DDX60: variants seen among roughly 807,000 people sequenced by gnomAD.
DDX60 encodes probable ATP-dependent RNA helicase DDX60.
In DDX60, 165 loss-of-function variants were observed where a neutral mutation model predicts 212.8. The ratio of observed to expected loss-of-function variants is 0.78; its 90% confidence interval spans 0.68 to 0.88. DDX60 has a LOEUF of 0.88. Ranked by LOEUF, DDX60 falls within the 40% of genes least tolerant of loss-of-function variation. DDX60 has a pLI of 0.00. For missense variants in DDX60, 1,905 were observed against 2,003.9 expected, an observed-to-expected ratio of 0.95 and a Z score of 0.94; for synonymous variants, 703 against 685.3, an observed-to-expected ratio of 1.03 and a Z score of -0.40.
chr4:168,293,786 C>A lies in DDX60; in HGVS notation c.882+1G>T. The A allele has an allele frequency of 6.2e-7, 1 of 1,600,816 alleles. No individual in the cohort carries two copies. Among genetic ancestry groups the A allele is most frequent in the East Asian group, 2.2e-5 (1 of 44,708 alleles). On this transcript the variant is annotated splice_donor_variant, in intron 7 of 37. Transcript: ENST00000393743. LOFTEE classifies it high-confidence loss of function. ...TCTCAGTAAAGTTATAAAAACCACA[C>A]CTGTTGGATCTCAGTTTCCTGACCA...
Position 168,309,951 on chromosome 4 carries a change from T to C in DDX60, c.74+1047A>G, listed in dbSNP as rs376401338. ...TTTTATCTTCAGGCCTGTCTTTATC[T>C]GTAAAGCTGCCAACTCCTGAGACTC... On this transcript the variant is annotated intron_variant, in intron 3 of 37. Coordinates refer to ENST00000393743, the MANE Select transcript of DDX60 (RefSeq NM_017631.6). 2.0e-5 allele frequency among the ~76,000 whole-genome samples: 3 copies of C among 152,272 alleles called. No homozygotes were observed. In the Middle Eastern group the frequency reaches 0.01, roughly 518 times the overall value.
In DDX60 at chr4:168,237,156, G is replaced by C. The variant is rs1733656483; in HGVS notation, c.4411+130C>G. On this transcript the variant is annotated intron_variant, in intron 32 of 37. Coordinates refer to ENST00000393743, the MANE Select transcript of DDX60 (RefSeq NM_017631.6). ...GTAGGTATTTACTTTATCAATTGAA[G>C]ATCTATAAATTATCTACATATTAAT... is the stretch of plus-strand genomic sequence containing the variant. 6 of 583,212 alleles carry C rather than the reference G, an allele frequency of 1.0e-5. No homozygotes were observed. In the South Asian group the frequency reaches 4.4e-4, roughly 42 times the overall value. The allele number at this position is 583,212 out of a possible 1,614,324, so 36.1% of individuals were successfully genotyped here. A position where few individuals can be genotyped will look rare whatever the true frequency, so the allele number is the denominator to read the frequency against.
chr4:168,236,164 T>C, intron 33 of DDX60, 88 bp downstream of exon 33: 1 of 1,306,414 alleles, frequency 7.7e-7, no homozygotes, highest in South Asian at 1.4e-5. Context: ...GCCCTTTGAA[T>C]TAAAATTCTA....
chr4:168,248,227 A>G lies in DDX60; in HGVS notation c.3924T>C (p.Ala1308=), dbSNP rs771129379. The change falls in exon 29 of 38, where the codon GCT becomes GCC. Residue 1308 remains alanine (A), a synonymous_variant. Transcript: ENST00000393743. The part of the protein sequence containing the change: ...VNMPCKSVVF[A]QNSVYLDALN... Reference sequence around the variant, plus strand: ...ACGCATCCAGATAGACTGAGTTTTGAGCAAAAACCACAGATTTACAAGGCA... The same window carrying G: ...ACGCATCCAGATAGACTGAGTTTTGGGCAAAAACCACAGATTTACAAGGCA... The G allele has an allele frequency of 3.7e-6, 6 of 1,611,332 alleles. No individual in the cohort carries two copies. The South Asian group carries it at 5.5e-5, about 15-fold the overall frequency.
intron 30 of DDX60, among the ~76,000 whole-genome samples, chr4:168,240,642 G>A (rs987949572): frequency 6.6e-6 from 1 of 151,952 alleles, no homozygotes; most frequent in African/African-American, 2.4e-5. Context: ...TCAGAAACAA[G>A]ACTATACATT....
intron 33 of DDX60, among the ~76,000 whole-genome samples, chr4:168,232,460 T>C (rs1325093001): frequency 2.0e-5 from 3 of 152,080 alleles, no homozygotes; most frequent in Non-Finnish European, 4.4e-5. Context: ...GACTTCAAAC[T>C]ATACTATACG....
At chr4:168,316,534 AT>A (rs1165226179) in intron 1 of DDX60, among the ~76,000 whole-genome samples, 1 of 152,226 alleles carries the variant, frequency 6.6e-6, no homozygotes, top group African/African-American at 2.4e-5. Context: ...ATGAAAAAAA[AT>A]AATGGTTTAT....
In DDX60 at chr4:168,306,610, T is replaced by G. The variant is rs775589621; in HGVS notation, c.375A>C (p.Arg125Ser). The G allele has an allele frequency of 1.2e-6, 2 of 1,614,006 alleles. No individual in the cohort carries two copies. The highest frequency in any genetic ancestry group is 1.7e-6 in the Non-Finnish European group (2 of 1,179,994). Reference sequence around the variant, plus strand: ...AACTTCCCCACTCTTTTGATAAGCATCTCGAAAATGTTGTTCGAACATCAA... The same window carrying G: ...AACTTCCCCACTCTTTTGATAAGCAGCTCGAAAATGTTGTTCGAACATCAA... ...TTIDVRTTFS[R>S]CLSKEWGSFL... Residue 125 changes from arginine to serine, a missense_variant, in exon 5 of 38, where the codon AGA becomes AGC. By Grantham distance (110) the Arg-to-Ser change is moderately radical (BLOSUM62 -1). Coordinates refer to ENST00000393743, the MANE Select transcript of DDX60 (RefSeq NM_017631.6).
Position 168,235,509 on chromosome 4 carries a change from T to G in DDX60, c.4533+743A>C, listed in dbSNP as rs535874021. On this transcript the variant is annotated intron_variant, in intron 33 of 37. Coordinates refer to ENST00000393743, the MANE Select transcript of DDX60 (RefSeq NM_017631.6). Reference sequence around the variant, plus strand: ...TGGTGAAAAGTGTAAAGATGATAGGTCAATGACTAAAATTGTGTTCACTGC... The same window carrying G: ...TGGTGAAAAGTGTAAAGATGATAGGGCAATGACTAAAATTGTGTTCACTGC... Among the ~76,000 whole-genome samples, 5 of 152,236 alleles carry G rather than the reference T, an allele frequency of 3.3e-5. No homozygotes were observed. In the East Asian group the frequency reaches 9.6e-4, roughly 29 times the overall value.
At chr4:168,232,893 A>G (rs989242238) in intron 33 of DDX60, among the ~76,000 whole-genome samples, 2 of 152,132 alleles carry the variant, frequency 1.3e-5, no homozygotes, top group Admixed American at 6.6e-5. Context: ...TCTGCACAGC[A>G]AAAGAAATAA....
At chr4:168,232,468 A>C (rs1237912199) in intron 33 of DDX60, among the ~76,000 whole-genome samples, 1 of 152,132 alleles carries the variant, frequency 6.6e-6, no homozygotes, top group African/African-American at 2.4e-5. Flanking sequence ...ACTATACTAT[A>C]CGGTTATAGT....
Position 168,255,772 on chromosome 4 carries a change from C to A in DDX60, c.3496G>T (p.Ala1166Ser). 1.2e-6 allele frequency: 2 copies of A among 1,605,486 alleles called. No homozygotes were observed. Among genetic ancestry groups the A allele is most frequent in the Non-Finnish European group, 1.7e-6 (2 of 1,177,826 alleles). ...TKRPPKADKE[A>S]HVMANKLRKV... ...CGAAGTTTGTTAGCCATGACATGGGCTTCTTTATCAGCTTTGGGAGGCCTT... is the reference window on the plus strand; with the variant it reads ...CGAAGTTTGTTAGCCATGACATGGGATTCTTTATCAGCTTTGGGAGGCCTT... Residue 1166 changes from alanine (A) to serine (S), a missense_variant, in exon 26 of 38, where the codon GCC becomes TCC. By Grantham distance (99) the Ala-to-Ser change is moderately conservative (BLOSUM62 1). Transcript: ENST00000393743.
At chr4:168,316,052 A>G (rs1303798962) in intron 1 of DDX60, among the ~76,000 whole-genome samples, 2 of 152,250 alleles carry the variant, frequency 1.3e-5, no homozygotes, top group Non-Finnish European at 2.9e-5. Flanking sequence ...TTTTATTTAA[A>G]GAGATAATAC....
intron 28 of DDX60, among the ~76,000 whole-genome samples, chr4:168,249,378 G>A (rs1390795574): frequency 6.6e-6 from 1 of 152,094 alleles, no homozygotes; most frequent in African/African-American, 2.4e-5. Flanking sequence ...TAGTATTAAT[G>A]TTTAAGTATA....
At chr4:168,251,887 AC>A (rs1466824330) in intron 27 of DDX60, among the ~76,000 whole-genome samples, 1 of 152,236 alleles carries the variant, frequency 6.6e-6, no homozygotes, top group South Asian at 2.1e-4. Context: ...GGCAGTGAGT[AC>A]TATGAGTGAT....
Position 168,237,413 on chromosome 4 carries a change from T to C in DDX60, c.4284A>G (p.Gln1428=), listed in dbSNP as rs2149496608. 6.3e-7 allele frequency: 1 copy of C among 1,576,490 alleles called. No homozygotes were observed. Among genetic ancestry groups the C allele is most frequent in the Non-Finnish European group, 8.6e-7 (1 of 1,164,638 alleles). The stretch of plus-strand genomic sequence containing the variant: ...CAGCAAACCCCATAGGATTACCTTC[T>C]TGATCTAAATAGCCCTAAAGAACAA... ...QFLVKEGYLD[Q]EGNPMGFAGL... The change falls in exon 32 of 38, where the codon CAA becomes CAG. Residue 1428 remains glutamine, a synonymous_variant. Transcript: ENST00000393743.
intron 6 of DDX60, among the ~76,000 whole-genome samples, chr4:168,297,374 GAAAGAAAGAGAA>G (rs1437444196): frequency 4.7e-3 from 257 of 54,432 alleles, no homozygotes; most frequent in Middle Eastern, 7.7e-3. Context: ...AAGAAAGAAA[GAAAGAAAGAGAA>G]AGAAAGAAAG....
intron 1 of DDX60, among the ~76,000 whole-genome samples, chr4:168,315,455 A>G (rs1200891628): frequency 1.3e-5 from 2 of 152,202 alleles, no homozygotes; most frequent in African/African-American, 4.8e-5. Context: ...CATGTGCAGA[A>G]CATGCAGGTT....
In DDX60 at chr4:168,273,953, A is replaced by T. The variant is rs1200727236; in HGVS notation, c.2435T>A (p.Val812Glu). The T allele has an allele frequency of 6.2e-7, 1 of 1,614,126 alleles. No homozygotes were observed. The highest frequency in any genetic ancestry group is 2.2e-5 in the East Asian group (1 of 44,876). Residue 812 changes from valine to glutamate, a missense_variant, in exon 17 of 38, where the codon GTG becomes GAG. By Grantham distance (121) the Val-to-Glu change is moderately radical (BLOSUM62 -2). Coordinates refer to ENST00000393743, the MANE Select transcript of DDX60 (RefSeq NM_017631.6). ...CACTACCTTTGTGGGTGCAACGTAC[A>T]CGACCACCCCGTCGTCGCTCTCCTT... ...VLKESDDGVV[V>E]YVAPTKALVN...
Sources: allele counts gnomAD v4.1 joint callset (sites outside exome capture counted in the v4.1 genomes callset), GRCh38; gene constraint gnomAD v4.1.1; transcripts MANE v1.5; gene names NCBI Gene and HGNC (gene_info 2026-07-23, HGNC 2026-07-21).